Variants in HELB observed in about 807,000 individuals in gnomAD.
HELB encodes the protein DNA 5'-3' helicase B.
Under a neutral mutation model 101.7 loss-of-function variants are expected in HELB, and 96 were observed. The ratio of observed to expected loss-of-function variants is 0.94; its 90% confidence interval spans 0.80 to 1.12. The LOEUF (loss-of-function observed/expected upper bound fraction) is 1.12, where lower values mean the gene tolerates loss of function less well. HELB is among the 50% of genes most tolerant of loss of function. HELB has a pLI of 0.00. For missense variants in HELB, 1,210 were observed against 1,291.9 expected, an observed-to-expected ratio of 0.94 and a Z score of 0.97; for synonymous variants, 437 against 459.7, an observed-to-expected ratio of 0.95 and a Z score of 0.63.
chr12:66,304,728 TAG>T lies in HELB; in HGVS notation c.188-2_188-1del. The T allele has an allele frequency of 6.4e-7, 1 of 1,570,362 alleles. No homozygotes were observed. The highest frequency in any genetic ancestry group is 8.6e-7 in the Non-Finnish European group (1 of 1,163,308). On this transcript the variant is annotated splice_acceptor_variant, in intron 1 of 12. Transcript: ENST00000247815. LOFTEE classifies it high-confidence loss of function. ...TTGTGGGTTTTTGTTTGTTTTTTTTTAGTTTCTATTTGTGATGAAAACACACA... is the reference window on the plus strand; with the variant it reads ...TTGTGGGTTTTTGTTTGTTTTTTTTTTTTCTATTTGTGATGAAAACACACA...
chr12:66,324,934 G>A (rs376899966), intron 10 of HELB, 49 bp from the exon 11 acceptor site: 92 of 1,602,046 alleles, frequency 5.7e-5, no homozygotes, highest in South Asian at 2.9e-4. Context: ...GTATTTGAAC[G>A]TAGAACATAT....
At chr12:66,322,629 G>A (rs940552318) in intron 8 of HELB, 95 bp from the exon 9 acceptor site, 32 of 683,794 alleles carry the variant, frequency 4.7e-5, no homozygotes, top group Non-Finnish European at 6.9e-5. Context: ...TCTTGGAAAC[G>A]TTTTGTAGAA....
intron 3 of HELB, among the ~76,000 whole-genome samples, chr12:66,308,396 T>G (rs1322341480): frequency 1.3e-5 from 2 of 152,160 alleles, no homozygotes; most frequent in Non-Finnish European, 2.9e-5. Context: ...GAATCATACG[T>G]GGAGATTTTA....
Position 66,324,129 on chromosome 12 carries a change from CG to C in HELB, c.2445del (p.Leu816PhefsTer25), listed in dbSNP as rs1303974368. Reference sequence around the variant, plus strand: ...GCCAGTAGTGAAGACTTTTCTGGTACGCTTCCTGATTTTGCTAAAAATAAGC... The same window carrying C: ...GCCAGTAGTGAAGACTTTTCTGGTACCTTCCTGATTTTGCTAAAAATAAGC... ...LDASSEDFSG[T>X]LPDFAKNKRD... On this transcript the variant is annotated frameshift_variant, in exon 10 of 13. Transcript: ENST00000247815. LOFTEE classifies it high-confidence loss of function. The C allele has an allele frequency of 1.2e-6, 2 of 1,613,626 alleles. No homozygotes were observed. The highest frequency in any genetic ancestry group is 4.5e-5 in the East Asian group (2 of 44,840).
chr12:66,336,378 T>C (rs550340384), intron 12 of HELB, among the ~76,000 whole-genome samples: 9 of 152,270 alleles, frequency 5.9e-5, no homozygotes, highest in African/African-American at 1.4e-4. Flanking sequence ...ATTTGGGTAA[T>C]GGATTTTGTG....
chr12:66,309,299 G>A (rs1387915761), intron 3 of HELB, among the ~76,000 whole-genome samples: 1 of 152,224 alleles, frequency 6.6e-6, no homozygotes, highest in Non-Finnish European at 1.5e-5. Context: ...CCATAGTAAG[G>A]AGTTAATAAT....
At chr12:66,335,790 A>C (rs1480804713) in intron 12 of HELB, among the ~76,000 whole-genome samples, 1 of 152,162 alleles carries the variant, frequency 6.6e-6, no homozygotes, top group Non-Finnish European at 1.5e-5. Flanking sequence ...TGACAACCAG[A>C]AGGAATGGGT....
intron 11 of HELB, among the ~76,000 whole-genome samples, chr12:66,329,636 A>G (rs2053782351): frequency 6.6e-6 from 1 of 152,232 alleles, no homozygotes; most frequent in Non-Finnish European, 1.5e-5. Flanking sequence ...GCAGCATCTA[A>G]TATGATTGGG....
At chr12:66,330,008 TAGA>T (rs1345381420) in intron 11 of HELB, among the ~76,000 whole-genome samples, 2 of 152,258 alleles carry the variant, frequency 1.3e-5, no homozygotes, top group Non-Finnish European at 2.9e-5. Context: ...TCTACGAAGA[TAGA>T]AGAGCTTGCT....
intron 6 of HELB, among the ~76,000 whole-genome samples, chr12:66,318,114 A>G (rs2053630482): frequency 6.6e-6 from 1 of 152,218 alleles, no homozygotes; most frequent in South Asian, 2.1e-4. Context: ...AAAGGAGAAG[A>G]ATATAATGTA....
intron 12 of HELB, among the ~76,000 whole-genome samples, chr12:66,333,727 G>C (rs1478541823): frequency 6.6e-6 from 1 of 152,146 alleles, no homozygotes; most frequent in Non-Finnish European, 1.5e-5. Context: ...GGCTAAGGTG[G>C]CTAGTGAGCG....
rs1478373502 is a variant in HELB, at chr12:66,310,243, G to A, written c.1315G>A (p.Glu439Lys). 1.9e-6 allele frequency: 3 copies of A among 1,613,974 alleles called. No homozygotes were observed. Among genetic ancestry groups the A allele is most frequent in the Non-Finnish European group, 2.5e-6 (3 of 1,180,032 alleles). Residue 439 changes from glutamate (E) to lysine (K), a missense_variant, in exon 4 of 13, where the codon GAA (glutamate) becomes AAA (lysine). This residue lies in a region of HELB where 470 missense variants were observed against 563.1 expected (regional missense o/e 0.83). Coordinates refer to ENST00000247815, the MANE Select transcript of HELB (RefSeq NM_001370285.1). The part of the protein sequence containing the change: ...WTNGENEINA[E>K]ISEVQLDQDQ... Reference sequence around the variant, plus strand: ...TAATGGTGAAAATGAAATTAATGCAGAAATAAGTGAAGTTCAGCTGGATCA... The same window carrying A: ...TAATGGTGAAAATGAAATTAATGCAAAAATAAGTGAAGTTCAGCTGGATCA...
At chr12:66,318,050 T>C (rs2053629615) in intron 6 of HELB, among the ~76,000 whole-genome samples, 2 of 152,242 alleles carry the variant, frequency 1.3e-5, no homozygotes, top group Admixed American at 6.6e-5. Flanking sequence ...CAACTAGATG[T>C]GGATACTTGG....
chr12:66,332,993 C>T (rs1336258732), intron 12 of HELB, among the ~76,000 whole-genome samples: 1 of 151,982 alleles, frequency 6.6e-6, no homozygotes, highest in African/African-American at 2.4e-5. Context: ...TGTCCCTCAT[C>T]TTGAATGCCT....
chr12:66,311,790 T>G (rs1301932015), intron 4 of HELB, among the ~76,000 whole-genome samples: 1 of 151,706 alleles, frequency 6.6e-6, no homozygotes, highest in Non-Finnish European at 1.5e-5. Context: ...GAGTTTAAGC[T>G]TGTAAAGAGT....
In HELB at chr12:66,324,176, C is replaced by T. The variant is rs201511089; in HGVS notation, c.2491C>T (p.Arg831Ter). 19 of 1,613,122 alleles carry T rather than the reference C, an allele frequency of 1.2e-5. No individual in the cohort carries two copies. The highest frequency in any genetic ancestry group is 9.3e-5 in the African/African-American group (7 of 74,898). ...TAAGCGTGACTTTGAAAGTAACGTT[C>T]GACTGTGCAATGGAGAGATATTTTT... ...KNKRDFESNVRLCNGEIFFIT... is the reference protein window; with the variant it reads ...KNKRDFESNV The change falls in exon 10 of 13, where the codon CGA (arginine) becomes TGA (stop). Residue 831 changes from arginine (R) to a stop codon, truncating the protein, a stop_gained. Coordinates refer to ENST00000247815, the MANE Select transcript of HELB (RefSeq NM_001370285.1). LOFTEE classifies it high-confidence loss of function.
intron 12 of HELB, among the ~76,000 whole-genome samples, chr12:66,336,635 C>T (rs1335008555): frequency 6.6e-6 from 1 of 152,138 alleles, no homozygotes; most frequent in African/African-American, 2.4e-5. Flanking sequence ...ATGGATATGG[C>T]ACAGGGAAAA....
intron 12 of HELB, among the ~76,000 whole-genome samples, chr12:66,337,054 T>C (rs1404454181): frequency 6.6e-6 from 1 of 152,146 alleles, no homozygotes; most frequent in African/African-American, 2.4e-5. Flanking sequence ...TGGGACTTAA[T>C]GATCAGTTGG....
chr12:66,341,930 T>C (rs1030682366), downstream of HELB: 1 of 152,250 alleles, frequency 6.6e-6, no homozygotes, highest in Non-Finnish European at 1.5e-5. Context: ...TAAACCTCTT[T>C]TCTTTATAAA....
Sources: allele counts gnomAD v4.1 joint callset (sites outside exome capture counted in the v4.1 genomes callset), GRCh38; gene constraint gnomAD v4.1.1; regional missense constraint gnomAD v4.1.1; transcripts MANE v1.5; gene names NCBI Gene and HGNC (gene_info 2026-07-23, HGNC 2026-07-21).